Variants in ARHGAP6 observed in about 807,000 individuals in gnomAD.
ARHGAP6 encodes the protein Rho GTPase activating protein 6.
A neutral mutation model predicts 55.7 loss-of-function variants in ARHGAP6; 16 were observed. The ratio of observed to expected loss-of-function variants is 0.29; its 90% confidence interval spans 0.19 to 0.44. The LOEUF (loss-of-function observed/expected upper bound fraction) is 0.44. Ranked by LOEUF, ARHGAP6 falls within the 20% of genes least tolerant of loss-of-function variation. The pLI, the probability that ARHGAP6 is intolerant of heterozygous loss-of-function variation, is 1.00. For synonymous variants in ARHGAP6, 382 were observed against 360.9 expected, an observed-to-expected ratio of 1.06 and a Z score of -0.66; for missense variants, 698 against 808.9, an observed-to-expected ratio of 0.86 and a Z score of 1.66.
At chrX:11,617,193 G>A (rs1045228413) in intron 1 of ARHGAP6, among the ~76,000 whole-genome samples, 47 of 111,888 alleles carry the variant, frequency 4.2e-4, no homozygotes, top group African/African-American at 1.5e-3. Context: ...ACTGCATGTT[G>A]ATATAATATT....
intron 1 of ARHGAP6, among the ~76,000 whole-genome samples, chrX:11,639,247 T>G (rs1269512494): frequency 9.6e-6 from 1 of 104,180 alleles, no homozygotes; most frequent in African/African-American, 3.7e-5. Flanking sequence ...AGTTCTAGGG[T>G]ACATGTGCAC....
At chrX:11,448,186 T>C (rs1475452068) in intron 1 of ARHGAP6, among the ~76,000 whole-genome samples, 4 of 112,423 alleles carry the variant, frequency 3.6e-5, no homozygotes, top group African/African-American at 1.3e-4. Context: ...CCTCAAATAT[T>C]CCAGTCTTTG....
At chrX:11,292,754 G>C (rs1456670212) in intron 1 of ARHGAP6, among the ~76,000 whole-genome samples, 9 of 112,404 alleles carry the variant, frequency 8.0e-5, no homozygotes, top group African/African-American at 2.9e-4. Flanking sequence ...GCTACTGCAA[G>C]AACCTTAAGT....
intron 10 of ARHGAP6, among the ~76,000 whole-genome samples, chrX:11,152,551 A>AATATAT: frequency 9.0e-6 from 1 of 111,483 alleles, no homozygotes; most frequent in African/African-American, 3.3e-5. Flanking sequence ...GTCCTGGTGC[A>AATATAT]AGCTCCCCAA....
intron 1 of ARHGAP6, among the ~76,000 whole-genome samples, chrX:11,343,721 G>T: frequency 9.0e-6 from 1 of 111,462 alleles, no homozygotes; most frequent in Non-Finnish European, 1.9e-5. Context: ...AGCCCTCTAG[G>T]TGACTTCAAT....
At chrX:11,533,250 A>G (rs187428030) in intron 1 of ARHGAP6, among the ~76,000 whole-genome samples, 213 of 110,945 alleles carry the variant, frequency 1.9e-3, no homozygotes, top group South Asian at 0.011. Flanking sequence ...ACTAGGTGGC[A>G]CTTAAGACCA....
At chrX:11,490,090 A>AC (rs1227842616) in intron 1 of ARHGAP6, among the ~76,000 whole-genome samples, 4 of 111,460 alleles carry the variant, frequency 3.6e-5, no homozygotes, top group Non-Finnish European at 7.5e-5. Context: ...CCAGTGAATC[A>AC]CACCCTTATA....
At chrX:11,264,642 C>T (rs2047601706) in intron 1 of ARHGAP6, among the ~76,000 whole-genome samples, 1 of 111,770 alleles carries the variant, frequency 8.9e-6, no homozygotes, top group African/African-American at 3.3e-5. Context: ...GTTGCAAAAA[C>T]TGGAAACACT....
intron 1 of ARHGAP6, among the ~76,000 whole-genome samples, chrX:11,471,594 A>G (rs943828040): frequency 1.8e-5 from 2 of 112,718 alleles, no homozygotes; most frequent in East Asian, 5.5e-4. Flanking sequence ...GATACTAAAG[A>G]AGACTGAAGT....
intron 1 of ARHGAP6, among the ~76,000 whole-genome samples, chrX:11,470,314 G>A (rs180909876): frequency 8.9e-6 from 1 of 111,762 alleles, no homozygotes; most frequent in African/African-American, 3.2e-5. Context: ...CCTTGTGAAA[G>A]TGCCCCATTT....
intron 1 of ARHGAP6, among the ~76,000 whole-genome samples, chrX:11,346,315 C>G (rs1171062135): frequency 8.9e-6 from 1 of 111,864 alleles, no homozygotes; most frequent in South Asian, 3.7e-4. Flanking sequence ...TGGCTTCTTT[C>G]AGCTACAACA....
In ARHGAP6 at chrX:11,648,922, T is replaced by G. The variant is rs1200993446; in HGVS notation, c.588+15319A>C. On this transcript the variant is annotated intron_variant, in intron 1 of 12. Transcript: ENST00000337414. ...TGTGCTGCTAGTGATTCATCTCTAGTGCACACCTCATCATATGTAAGAAGC... is the reference window on the plus strand; with the variant it reads ...TGTGCTGCTAGTGATTCATCTCTAGGGCACACCTCATCATATGTAAGAAGC... Among the ~76,000 whole-genome samples the G allele has an allele frequency of 3.6e-5, 4 of 112,054 alleles. No individual in the cohort carries two copies. The East Asian group carries it at 1.1e-3, about 32-fold the overall frequency.
intron 1 of ARHGAP6, among the ~76,000 whole-genome samples, chrX:11,458,176 G>A (rs933205638): frequency 8.9e-6 from 1 of 112,532 alleles, no homozygotes; most frequent in South Asian, 3.7e-4. Flanking sequence ...TTATTCTGCA[G>A]TCTTAGCTGT....
intron 10 of ARHGAP6, among the ~76,000 whole-genome samples, chrX:11,148,253 C>T (rs2045725228): frequency 8.9e-6 from 1 of 111,964 alleles, no homozygotes; most frequent in African/African-American, 3.3e-5. Flanking sequence ...CATTAAAATA[C>T]TCATGTATCT....
At chrX:11,178,052 T>C in intron 8 of ARHGAP6, 48 bp downstream of exon 8, 1 of 1,204,321 alleles carries the variant, frequency 8.3e-7, no homozygotes, top group Non-Finnish European at 1.1e-6. Flanking sequence ...CCTTTTAAAA[T>C]AGGGGAGAGG....
intron 2 of ARHGAP6, among the ~76,000 whole-genome samples, chrX:11,224,618 C>T (rs2047019765): frequency 9.1e-6 from 1 of 109,576 alleles, no homozygotes; most frequent in African/African-American, 3.4e-5. Flanking sequence ...TGTAGCTGAG[C>T]ACATTGATAG....
At chrX:11,590,869 G>GAAAAGAAGGAAAGAAAGAAAGAAA (rs2051813205) in intron 1 of ARHGAP6, among the ~76,000 whole-genome samples, 1 of 24,219 alleles carries the variant, frequency 4.1e-5, no homozygotes, top group Non-Finnish European at 6.7e-5. Flanking sequence ...AAGAAAAGAA[G>GAAAAGAAGGAAAGAAAGAAAGAAA]GAAAGAAAGA....
intron 1 of ARHGAP6, among the ~76,000 whole-genome samples, chrX:11,632,150 A>G (rs2052368060): frequency 8.9e-6 from 1 of 112,637 alleles, no homozygotes; most frequent in Non-Finnish European, 1.9e-5. Context: ...AAGCTACTCT[A>G]TTAGTGAAAT....
At chrX:11,619,970 T>C (rs1386790685) in intron 1 of ARHGAP6, among the ~76,000 whole-genome samples, 6 of 112,286 alleles carry the variant, frequency 5.3e-5, no homozygotes, top group Non-Finnish European at 1.1e-4. Context: ...TATAACTAAC[T>C]ACAGGCTTCC....
Sources: allele counts gnomAD v4.1 joint callset (sites outside exome capture counted in the v4.1 genomes callset), GRCh38; gene constraint gnomAD v4.1.1; transcripts MANE v1.5; gene names NCBI Gene and HGNC (gene_info 2026-07-23, HGNC 2026-07-21).